SPIRE1: variants seen among roughly 807,000 people sequenced by gnomAD.
SPIRE1 encodes the protein protein spire homolog 1.
A neutral mutation model predicts 94.1 loss-of-function variants in SPIRE1; 40 were observed. The observed-to-expected ratio is 0.43, with a 90% confidence interval of 0.33 to 0.55. The LOEUF (loss-of-function observed/expected upper bound fraction) is 0.55, where lower values mean the gene tolerates loss of function less well. Ranked by LOEUF, SPIRE1 falls within the 20% of genes least tolerant of loss-of-function variation. SPIRE1 has a pLI of 0.06. For missense variants in SPIRE1, 838 were observed against 975.2 expected (o/e 0.86, Z 1.87); for synonymous variants, 376 against 371.7 (o/e 1.01, Z -0.13).
chr18:12,508,767 C>A (rs143873239), intron 5 of SPIRE1, among the ~76,000 whole-genome samples: 1,675 of 151,872 alleles, frequency 0.011, 34 homozygotes, highest in African/African-American at 0.039. Flanking sequence ...TTCTGCCTCC[C>A]GGGTTCAAGT....
chr18:12,590,124 G>A (rs1350561665), intron 2 of SPIRE1, among the ~76,000 whole-genome samples: 1 of 143,870 alleles, frequency 7.0e-6, no homozygotes, highest in Non-Finnish European at 1.5e-5. Flanking sequence ...TTTCACTCTT[G>A]TCGCCCCAGC....
intron 3 of SPIRE1, among the ~76,000 whole-genome samples, chr18:12,540,950 T>C (rs1002395748): frequency 5.9e-5 from 9 of 152,210 alleles, no homozygotes; most frequent in African/African-American, 2.2e-4. Context: ...GCATATTTGC[T>C]CTCAGCCTCA....
At chr18:12,655,414 A>G (rs2038513025) in intron 1 of SPIRE1, among the ~76,000 whole-genome samples, 1 of 152,228 alleles carries the variant, frequency 6.6e-6, no homozygotes, top group South Asian at 2.1e-4. Context: ...CTTAAAGCCA[A>G]TGAGGAAATA....
Position 12,559,967 on chromosome 18 carries a change from G to C in SPIRE1, c.373-13063C>G, listed in dbSNP as rs181014858. Reference sequence around the variant, plus strand: ...TAGACATTTCTCAAAGTAAGAATTAGAAATGGCAAACAGGTATATGAAAAG... The same window carrying C: ...TAGACATTTCTCAAAGTAAGAATTACAAATGGCAAACAGGTATATGAAAAG... On this transcript the variant is annotated intron_variant, in intron 2 of 16. Coordinates refer to ENST00000409402, the MANE Select transcript of SPIRE1 (RefSeq NM_001128626.2). The surrounding 1 kb of genome is among the most constrained non-coding windows in gnomAD (Gnocchi z 4.7). 3.3e-5 allele frequency among the ~76,000 whole-genome samples: 5 copies of C among 152,286 alleles called. No homozygotes were observed. In the East Asian group the frequency reaches 9.6e-4, roughly 29 times the overall value.
chr18:12,651,968 A>AT (rs1365267051), intron 1 of SPIRE1, among the ~76,000 whole-genome samples: 3 of 152,230 alleles, frequency 2.0e-5, no homozygotes, highest in African/African-American at 4.8e-5. Context: ...TTAAATCAAC[A>AT]TATGGCCATA....
At chr18:12,468,795 G>A (rs914474876) in intron 10 of SPIRE1, among the ~76,000 whole-genome samples, 6 of 152,066 alleles carry the variant, frequency 3.9e-5, no homozygotes, top group African/African-American at 1.2e-4. Context: ...ATGGTAGCTC[G>A]CCCCTGCATT....
intron 5 of SPIRE1, among the ~76,000 whole-genome samples, chr18:12,509,093 T>C (rs2033939480): frequency 6.6e-6 from 1 of 152,270 alleles, no homozygotes; most frequent in South Asian, 2.1e-4. Flanking sequence ...ACTGTCATCA[T>C]ATGCATTCCT....
chr18:12,601,251 CA>C lies in SPIRE1; in HGVS notation c.372+33810del, dbSNP rs752663920. On this transcript the variant is annotated intron_variant, in intron 2 of 16. Coordinates refer to ENST00000409402, the MANE Select transcript of SPIRE1 (RefSeq NM_001128626.2). The stretch of plus-strand genomic sequence containing the variant: ...CAACACGGCAAAACCCCATCTCTAC[CA>C]AAAAAAAAAAAAATACAAAAAATAG... Among the ~76,000 whole-genome samples, 591 of 136,488 alleles carry C rather than the reference CA, an allele frequency of 4.3e-3. 1 individual carries two copies. Among genetic ancestry groups the C allele is most frequent in the Admixed American group, 5.1e-3 (69 of 13,602 alleles). 89.5% of individuals were successfully genotyped at this position (136,488 alleles called of 152,430 possible). A position where few individuals can be genotyped will look rare whatever the true frequency, so the allele number is the denominator to read the frequency against.
intron 1 of SPIRE1, among the ~76,000 whole-genome samples, chr18:12,651,790 A>G (rs189503647): frequency 7.4e-4 from 113 of 152,340 alleles, no homozygotes; most frequent in African/African-American, 2.5e-3. Context: ...CCAAATTAGC[A>G]TGAACCTTGC....
chr18:12,461,559 G>GTACATA (rs1431395379), intron 12 of SPIRE1, among the ~76,000 whole-genome samples: 4 of 141,380 alleles, frequency 2.8e-5, no homozygotes, highest in African/African-American at 1.2e-4. Context: ...ACATACATGC[G>GTACATA]TGTATATGTA....
At chr18:12,485,203 C>G (rs2032993493) in intron 9 of SPIRE1, among the ~76,000 whole-genome samples, 1 of 150,174 alleles carries the variant, frequency 6.7e-6, no homozygotes, top group African/African-American at 2.4e-5. Context: ...CTCCTGGCTT[C>G]AAGCAATTCT....
chr18:12,658,115 C>A (rs1377508955), upstream of SPIRE1: 1 of 959,816 alleles, frequency 1.0e-6, no homozygotes, highest in Non-Finnish European at 1.2e-6. Flanking sequence ...TCCGGCGCCC[C>A]GCCCCGCCCC....
chr18:12,565,851 T>C (rs921826835), intron 2 of SPIRE1, among the ~76,000 whole-genome samples: 3 of 150,438 alleles, frequency 2.0e-5, no homozygotes, highest in Non-Finnish European at 4.4e-5. Flanking sequence ...CTGGCCAATA[T>C]GGTGAAACTC....
chr18:12,625,764 G>A (rs965733260), intron 2 of SPIRE1, among the ~76,000 whole-genome samples: 32 of 152,206 alleles, frequency 2.1e-4, no homozygotes, highest in East Asian at 1.4e-3. Flanking sequence ...AATACAGGGC[G>A]GGGCATGGTA....
intron 4 of SPIRE1, among the ~76,000 whole-genome samples, chr18:12,518,058 G>C (rs2034248214): frequency 2.6e-5 from 4 of 152,116 alleles, no homozygotes; most frequent in African/African-American, 9.7e-5. Flanking sequence ...TGTTGACCAG[G>C]CTGGAGCAGT....
Position 12,657,579 on chromosome 18 carries a change from G to A in SPIRE1, c.288C>T (p.Val96=). ...AQIRVWRDGA[V]TLAPAADDAG... is the part of the protein sequence containing the mutation. ...CGTCGTCGGCCGCGGGCGCCAGGGT[G>A]ACGGCGCCGTCCCTCCAGACGCGGA... The change falls in exon 1 of 17, where the codon GTC becomes GTT. Residue 96 remains valine, a synonymous_variant. Transcript: ENST00000409402. The A allele has an allele frequency of 8.0e-7, 1 of 1,242,344 alleles. No homozygotes were observed. Among genetic ancestry groups the A allele is most frequent in the Non-Finnish European group, 1.0e-6 (1 of 994,206 alleles). 77.0% of individuals were successfully genotyped at this position (1,242,344 alleles called of 1,614,324 possible).
At chr18:12,617,159 A>AT (rs60768224) in intron 2 of SPIRE1, among the ~76,000 whole-genome samples, 17 of 137,456 alleles carry the variant, frequency 1.2e-4, no homozygotes, top group East Asian at 6.5e-4. Flanking sequence ...CATGCTCACT[A>AT]TTTTTTTTTT....
At chr18:12,562,244 T>G (rs1287828886) in intron 2 of SPIRE1, among the ~76,000 whole-genome samples, 1 of 152,154 alleles carries the variant, frequency 6.6e-6, no homozygotes, top group African/African-American at 2.4e-5. Flanking sequence ...TCTTTAGTAT[T>G]CTGATGAAAT....
intron 2 of SPIRE1, among the ~76,000 whole-genome samples, chr18:12,556,703 G>A (rs1017394841): frequency 2.0e-5 from 3 of 152,046 alleles, no homozygotes; most frequent in Admixed American, 6.5e-5. Flanking sequence ...CCTCCCTCCC[G>A]CTGGGTTCAT....
Sources: allele counts gnomAD v4.1 joint callset (sites outside exome capture counted in the v4.1 genomes callset), GRCh38; gene constraint gnomAD v4.1.1; non-coding constraint Gnocchi (gnomAD v3.1); transcripts MANE v1.5; gene names NCBI Gene and HGNC (gene_info 2026-07-23, HGNC 2026-07-21).